Variants in CCDC68 observed in about 807,000 individuals in gnomAD.
CCDC68 encodes the protein coiled-coil domain containing 68, also known as coiled-coil domain-containing protein 68.
Under a neutral mutation model 47.1 loss-of-function variants are expected in CCDC68, and 45 were observed. That is an observed-to-expected ratio of 0.96 (90% confidence interval 0.75 to 1.23). The LOEUF (loss-of-function observed/expected upper bound fraction) is 1.23, where lower values mean the gene tolerates loss of function less well. Among genes scored for constraint, CCDC68 ranks in the 50% most tolerant of loss-of-function variants. The pLI is 0.00. For missense variants in CCDC68, 353 were observed against 373.6 expected, an observed-to-expected ratio of 0.94 and a Z score of 0.45; for synonymous variants, 131 against 129.5, an observed-to-expected ratio of 1.01 and a Z score of -0.08.
chr18:54,904,479 C>A (rs1599014860), intron 11 of CCDC68, 64 bp from the exon 12 acceptor site: 1 of 1,255,172 alleles, frequency 8.0e-7, no homozygotes, highest in Non-Finnish European at 1.2e-6. Flanking sequence ...TATGGCTAGA[C>A]TACCATACTC....
At chr18:54,920,596 T>C (rs1311150925) in intron 8 of CCDC68, among the ~76,000 whole-genome samples, 1 of 152,216 alleles carries the variant, frequency 6.6e-6, no homozygotes, top group Non-Finnish European at 1.5e-5. Context: ...TTTCATATAA[T>C]GGACTAAAAC....
chr18:54,909,405 A>C (rs1914215649), intron 10 of CCDC68, among the ~76,000 whole-genome samples: 1 of 138,094 alleles, frequency 7.2e-6, no homozygotes, highest in South Asian at 2.3e-4. Flanking sequence ...TTTTTGAGAC[A>C]GGGTCTCACT....
intron 7 of CCDC68, among the ~76,000 whole-genome samples, chr18:54,932,350 A>G (rs887100934): frequency 2.0e-5 from 3 of 151,622 alleles, no homozygotes; most frequent in Non-Finnish European, 2.9e-5. Flanking sequence ...ATGCCCAGCT[A>G]ATTTTTGAAT....
At chr18:54,912,503 AAGG>A (rs1355887484) in intron 10 of CCDC68, among the ~76,000 whole-genome samples, 3 of 152,342 alleles carry the variant, frequency 2.0e-5, no homozygotes, top group African/African-American at 2.4e-5. Context: ...AGCTAGAAGT[AAGG>A]TAGAAAATAT....
chr18:54,916,208 G>C (rs367674663), intron 10 of CCDC68, among the ~76,000 whole-genome samples: 5 of 152,090 alleles, frequency 3.3e-5, no homozygotes, highest in East Asian at 3.9e-4. Context: ...ACAGAGCTGA[G>C]AGCAGTGTGT....
intron 7 of CCDC68, among the ~76,000 whole-genome samples, chr18:54,932,577 C>A (rs776929568): frequency 6.6e-6 from 1 of 152,196 alleles, no homozygotes; most frequent in African/African-American, 2.4e-5. Context: ...TTCCAGTAGG[C>A]TTGCCCTCCA....
chr18:54,949,522 A>G (rs978177056), intron 1 of CCDC68, among the ~76,000 whole-genome samples: 1 of 152,204 alleles, frequency 6.6e-6, no homozygotes, highest in African/African-American at 2.4e-5. Context: ...CAAGGTGTAA[A>G]CAACTGACTC....
chr18:54,944,175 C>T (rs571494521), intron 2 of CCDC68, among the ~76,000 whole-genome samples: 7 of 152,128 alleles, frequency 4.6e-5, no homozygotes, highest in Admixed American at 2.6e-4. Context: ...GCATCCCTCA[C>T]GGCCAGACTG....
intron 8 of CCDC68, among the ~76,000 whole-genome samples, chr18:54,922,275 C>T (rs574653590): frequency 6.6e-5 from 10 of 152,178 alleles, no homozygotes; most frequent in South Asian, 2.1e-4. Context: ...AAGGATGTTG[C>T]GGGGAGATGG....
intron 11 of CCDC68, among the ~76,000 whole-genome samples, chr18:54,905,823 A>G (rs1599017010): frequency 6.6e-6 from 1 of 152,134 alleles, no homozygotes; most frequent in Non-Finnish European, 1.5e-5. Context: ...ATCTGTATTT[A>G]CAGCCACTCC....
intron 8 of CCDC68, among the ~76,000 whole-genome samples, chr18:54,923,717 CT>C (rs5825107): frequency 0.24 from 34,822 of 147,406 alleles, 4,490 homozygotes; most frequent in African/African-American, 0.37. Context: ...AGCACTCAGT[CT>C]TTTTTTTTTT....
rs1568131489 is a variant in CCDC68 at position 54,909,364 on chromosome 18, A to ATT, written c.874-1503_874-1502insAA. Among the ~76,000 whole-genome samples, 7 of 143,440 alleles carry ATT rather than the reference A, an allele frequency of 4.9e-5. No individual in the cohort carries two copies. The East Asian group carries it at 8.5e-4, about 17-fold the overall frequency. The allele number at this position is 143,440 out of a possible 152,430, so 94.1% of individuals were successfully genotyped here. ...TTAGAGAGTCATGTAATTATAGTTT[A>ATT]AAAGGTATTTTCTTTCTTTTTTTTT... On this transcript the variant is annotated intron_variant, in intron 10 of 11. Coordinates refer to ENST00000591504, the MANE Select transcript of CCDC68 (RefSeq NM_025214.3).
At chr18:54,928,752 A>G (rs2044190734) in intron 8 of CCDC68, 48 bp downstream of exon 8, 1 of 1,214,254 alleles carries the variant, frequency 8.2e-7, no homozygotes. Flanking sequence ...ACCAGTGGAC[A>G]GGAAAGAAAT....
At chr18:54,955,862 C>T (rs543475051) in intron 1 of CCDC68, among the ~76,000 whole-genome samples, 9 of 152,076 alleles carry the variant, frequency 5.9e-5, no homozygotes, top group Admixed American at 2.0e-4. Flanking sequence ...GGATTACAGG[C>T]GCATGCCACC....
At chr18:54,926,796 T>C (rs1407526369) in intron 8 of CCDC68, among the ~76,000 whole-genome samples, 1 of 152,158 alleles carries the variant, frequency 6.6e-6, no homozygotes, top group Non-Finnish European at 1.5e-5. Flanking sequence ...AGGAGCAAAA[T>C]CTCCGAGCTC....
At position 54,928,841 on chromosome 18, in the gene CCDC68, G is replaced by T; in HGVS notation, c.642C>A (p.Asn214Lys). 4 of 1,612,674 alleles carry T rather than the reference G, an allele frequency of 2.5e-6. No individual in the cohort carries two copies. Among genetic ancestry groups the T allele is most frequent in the South Asian group, 1.1e-5 (1 of 91,016 alleles). ...CACTGGATTTGAGTTGCAGTAGCTT[G>T]TTTTCCAAAGACAGTTTTCTTTCTA... is the stretch of plus-strand genomic sequence containing the variant. ...TLLERKLSLE[N>K]KLLQLKSSAT... The change falls in exon 8 of 12, where the codon AAC (asparagine) becomes AAA (lysine). Residue 214 changes from asparagine (N) to lysine (K), a missense_variant. Transcript: ENST00000591504.
chr18:54,953,096 T>C (rs966361635), intron 1 of CCDC68, among the ~76,000 whole-genome samples: 1 of 152,002 alleles, frequency 6.6e-6, no homozygotes, highest in Non-Finnish European at 1.5e-5. Flanking sequence ...AACAGCCAAA[T>C]TCAAGGAGCT....
intron 6 of CCDC68, among the ~76,000 whole-genome samples, chr18:54,936,509 G>A (rs943407004): frequency 5.3e-5 from 8 of 151,982 alleles, no homozygotes; most frequent in Non-Finnish European, 7.4e-5. Context: ...GCGAGTCAAC[G>A]GCAGAGCCCG....
At chr18:54,908,631 T>G (rs1914153287) in intron 10 of CCDC68, among the ~76,000 whole-genome samples, 1 of 152,154 alleles carries the variant, frequency 6.6e-6, no homozygotes. Context: ...TCTCCACAGA[T>G]TTAAAATGAG....
Sources: allele counts gnomAD v4.1 joint callset (sites outside exome capture counted in the v4.1 genomes callset), GRCh38; gene constraint gnomAD v4.1.1; transcripts MANE v1.5; gene names NCBI Gene and HGNC (gene_info 2026-07-23, HGNC 2026-07-21).